Variants in SLC2A7 observed in about 807,000 individuals in gnomAD.
The protein encoded by SLC2A7 is solute carrier family 2 member 7.
In SLC2A7, 50 loss-of-function variants were observed where a neutral mutation model predicts 50.5. The ratio of observed to expected loss-of-function variants is 0.99; its 90% CI spans 0.79 to 1.25. The LOEUF (loss-of-function observed/expected upper bound fraction) is 1.25. SLC2A7 is among the 50% of genes most tolerant of loss of function. The pLI, the probability that SLC2A7 is intolerant of heterozygous loss-of-function variation, is 0.00. For synonymous variants in SLC2A7, 308 were observed against 300.4 expected, an observed-to-expected ratio of 1.03 and a Z score of -0.26; for missense variants, 683 against 679.1, an observed-to-expected ratio of 1.01 and a Z score of -0.06.
intron 1 of SLC2A7, 23 bp from the exon 2 acceptor site, chr1:9,025,097 C>T (rs773845340): frequency 5.6e-6 from 9 of 1,611,862 alleles, no homozygotes; most frequent in African/African-American, 4.0e-5. Context: ...AGTCCAAGGT[C>T]GGGACGCTGT....
chr1:8,992,572 C>G, the SLC2A7 span, among the ~76,000 whole-genome samples: 1 of 152,032 alleles, frequency 6.6e-6, no homozygotes, highest in Non-Finnish European at 1.5e-5. Flanking sequence ...ACCATCCCCA[C>G]CTTCCTGCTG....
rs754319860 is a variant in SLC2A7, at chr1:9,003,500, T to C, written c.1339A>G (p.Ser447Gly). 1.9e-6 allele frequency: 3 copies of C among 1,614,168 alleles called. No individual in the cohort carries two copies. Among genetic ancestry groups the C allele is most frequent in the East Asian group, 4.5e-5 (2 of 44,890 alleles). ...PSIQEAIGAY[S>G]FIIFAGICLL... ...CAGATTCCGGCAAAGATGATGAAACTGTAGGCACCGATGGCCTCCTAGACC... is the reference window on the plus strand; with the variant it reads ...CAGATTCCGGCAAAGATGATGAAACCGTAGGCACCGATGGCCTCCTAGACC... The change falls in exon 12 of 12, where the codon AGT (serine) becomes GGT (glycine). Residue 447 changes from serine to glycine, a missense_variant. Ser to Gly is a moderately conservative substitution (Grantham distance 56). Transcript: ENST00000400906.
chr1:9,007,733 G>A (rs559515361), intron 9 of SLC2A7, among the ~76,000 whole-genome samples: 2 of 139,752 alleles, frequency 1.4e-5, no homozygotes, highest in South Asian at 2.3e-4. Context: ...GTGACTCTAC[G>A]ATTCTTTCTT....
chr1:8,997,422 A>G, the SLC2A7 span, among the ~76,000 whole-genome samples: 1 of 152,152 alleles, frequency 6.6e-6, no homozygotes, highest in East Asian at 1.9e-4. Context: ...TTTTTTGAGA[A>G]GGACTTTTGC....
downstream of SLC2A7, among the ~76,000 whole-genome samples, chr1:8,998,475 G>A (rs140994009): frequency 1.4e-3 from 213 of 152,122 alleles, 1 homozygote; most frequent in African/African-American, 4.9e-3. Context: ...TCTTCCTGGC[G>A]TTCCATTAAC....
rs184873713 is a variant in SLC2A7 at position 9,019,142 on chromosome 1, C to T, written c.436+67G>A. The T allele has an allele frequency of 1.8e-4, 279 of 1,563,342 alleles. No homozygotes were observed. The African/African-American group carries it at 3.5e-3, about 20-fold the overall frequency. ...GAGCCAGGCAGACACCTCATCTGCT[C>T]CTGCTTCCAGCCTTGGCCAAACAGA... On this transcript the variant is annotated intron_variant, in intron 4 of 11. Coordinates refer to ENST00000400906, the MANE Select transcript of SLC2A7 (RefSeq NM_207420.3).
Position 9,025,081 on chromosome 1 carries a change from G to A in SLC2A7, c.52-7C>T, listed in dbSNP as rs1252532751. 2 of 1,613,462 alleles carry A rather than the reference G, an allele frequency of 1.2e-6. No homozygotes were observed. The highest frequency in any genetic ancestry group is 1.3e-5 in the African/African-American group (1 of 74,942). ...ACAGCGTCGGCTGGAGCCGCTGTAG[G>A]AGACAAGTCCAAGGTCGGGACGCTG... is the stretch of plus-strand genomic sequence containing the variant. On this transcript the variant is annotated splice_polypyrimidine_tract_variant and splice_region_variant and intron_variant, in intron 1 of 11. Transcript: ENST00000400906.
chr1:9,004,567 T>C (rs993730000), intron 11 of SLC2A7, among the ~76,000 whole-genome samples, 185 bp downstream of exon 11: 1 of 152,112 alleles, frequency 6.6e-6, no homozygotes, highest in African/African-American at 2.4e-5. Context: ...CACCCTTCAG[T>C]AACTGAGAAA....
Position 9,015,171 on chromosome 1 carries a change from C to A in SLC2A7, c.661G>T (p.Glu221Ter). 6.2e-7 allele frequency: 1 copy of A among 1,612,720 alleles called. No individual in the cohort carries two copies. The highest frequency in any genetic ancestry group is 2.2e-5 in the East Asian group (1 of 44,834). Residue 221 changes from glutamate (E) to a stop codon, truncating the protein, a stop_gained, in exon 6 of 12, where the codon GAA (glutamate) becomes TAA (stop). Coordinates refer to ENST00000400906, the MANE Select transcript of SLC2A7 (RefSeq NM_207420.3). LOFTEE classifies it high-confidence loss of function. ...TGAATCAGGGAGTAGCGGGGGCTTT[C>A]GGGGAAGAAGGGCAGGGTCAGCAGC... is the stretch of plus-strand genomic sequence containing the variant. ...LQLLTLPFFP[E>*]SPRYSLIQKG... is the part of the protein sequence containing the mutation.
At chr1:9,013,973 C>T (rs1476049357) in intron 7 of SLC2A7, among the ~76,000 whole-genome samples, 1 of 152,226 alleles carries the variant, frequency 6.6e-6, no homozygotes, top group Non-Finnish European at 1.5e-5. Flanking sequence ...GACTTCTTAC[C>T]TCTCACTCTG....
In SLC2A7 at chr1:9,026,318, G is replaced by T; in HGVS notation, c.28C>A (p.Pro10Thr). The change falls in exon 1 of 12, where the codon CCA becomes ACA. Residue 10 changes from proline to threonine, a missense_variant. By Grantham distance (38) the Pro-to-Thr change is conservative. Coordinates refer to ENST00000400906, the MANE Select transcript of SLC2A7 (RefSeq NM_207420.3). ...ACCCCCTCCCTGGATGGAATGGGTG[G>T]AGGGGTTCCCGCCTCTTTGTTCTCC... MENKEAGTP[P>T]PIPSREGRLQ... The T allele has an allele frequency of 6.2e-7, 1 of 1,609,666 alleles. No individual in the cohort carries two copies.
the SLC2A7 span, among the ~76,000 whole-genome samples, chr1:8,996,907 C>T: frequency 6.6e-6 from 1 of 152,036 alleles, no homozygotes; most frequent in Non-Finnish European, 1.5e-5. Context: ...TCCCAAGTAG[C>T]TGGGATTACA....
chr1:9,017,151 T>C (rs535313916), intron 5 of SLC2A7, among the ~76,000 whole-genome samples: 5 of 152,132 alleles, frequency 3.3e-5, no homozygotes, highest in Non-Finnish European at 5.9e-5. Context: ...AGAAATCCTA[T>C]CTTTACTAAA....
chr1:9,012,176 A>G (rs1035285458), intron 8 of SLC2A7, among the ~76,000 whole-genome samples: 1 of 152,168 alleles, frequency 6.6e-6, no homozygotes, highest in African/African-American at 2.4e-5. Flanking sequence ...CAGACAGACT[A>G]TCACTGCCAT....
At chr1:9,024,416 G>A (rs1640963776) in intron 2 of SLC2A7, among the ~76,000 whole-genome samples, 2 of 152,124 alleles carry the variant, frequency 1.3e-5, no homozygotes, top group Non-Finnish European at 2.9e-5. Flanking sequence ...GCTAATATAT[G>A]TATACAAGCG....
intron 11 of SLC2A7, 62 bp from the exon 12 acceptor site, chr1:9,003,580 G>A (rs757923432): frequency 2.1e-4 from 307 of 1,473,778 alleles, no homozygotes; most frequent in Non-Finnish European, 2.8e-4. Context: ...TGATTCAGCT[G>A]AGCACGTTGG....
At chr1:9,004,932 G>T in intron 10 of SLC2A7, 53 bp from the exon 11 acceptor site, 1 of 1,578,010 alleles carries the variant, frequency 6.3e-7, no homozygotes, top group South Asian at 1.1e-5. Context: ...GTGTCCCCCA[G>T]GGCTGGCGGG....
chr1:9,017,318 TCAAAACAACAACAA>T (rs1031726752), intron 5 of SLC2A7, among the ~76,000 whole-genome samples: 20 of 152,054 alleles, frequency 1.3e-4, no homozygotes, highest in African/African-American at 2.9e-4. Context: ...AGACCCTGCC[TCAAAACAACAACAA>T]CAAAACAACA....
intron 3 of SLC2A7, among the ~76,000 whole-genome samples, chr1:9,020,557 C>G (rs1055824731): frequency 4.1e-5 from 6 of 145,514 alleles, no homozygotes; most frequent in South Asian, 2.4e-4. Flanking sequence ...TGTGCCCCCC[C>G]CCACCCCCCC....
Sources: allele counts gnomAD v4.1 joint callset (sites outside exome capture counted in the v4.1 genomes callset), GRCh38; gene constraint gnomAD v4.1.1; transcripts MANE v1.5; gene names NCBI Gene and HGNC (gene_info 2026-07-23, HGNC 2026-07-21).